DNAJC5: variants seen among roughly 807,000 people sequenced by gnomAD.
DNAJC5 encodes DnaJ heat shock protein family (Hsp40) member C5, also known as dnaJ homolog subfamily C member 5.
Under a neutral mutation model 23.2 loss-of-function variants are expected in DNAJC5, and 1 was observed. That is an observed-to-expected ratio of 0.04 (90% CI 0.02 to 0.20). The LOEUF is 0.20. Ranked by LOEUF, DNAJC5 falls within the 10% of genes least tolerant of loss-of-function variation. DNAJC5 has a pLI of 1.00. For missense variants in DNAJC5, 180 were observed against 267.0 expected (o/e 0.67, Z 2.27); for synonymous variants, 136 against 120.0 (o/e 1.13, Z -0.87).
intron 1 of DNAJC5, among the ~76,000 whole-genome samples, chr20:63,927,489 G>A (rs906326033): frequency 5.3e-5 from 8 of 151,946 alleles, no homozygotes; most frequent in South Asian, 2.1e-4. Flanking sequence ...GTGGTGAGCC[G>A]AGATCGTGCC....
chr20:63,899,088 G>A (rs1289652804), intron 1 of DNAJC5, among the ~76,000 whole-genome samples: 3 of 152,290 alleles, frequency 2.0e-5, no homozygotes, highest in Admixed American at 6.5e-5. Context: ...GAGCCTCTGC[G>A]TTCTGTCAGA....
At chr20:63,915,030 G>A (rs565860346) in intron 1 of DNAJC5, among the ~76,000 whole-genome samples, 38 of 152,282 alleles carry the variant, frequency 2.5e-4, no homozygotes, top group African/African-American at 8.9e-4. Context: ...GGCCTCCTGC[G>A]TGGAGGTTTG....
At chr20:63,905,987 C>T (rs1394711221) in intron 1 of DNAJC5, among the ~76,000 whole-genome samples, 2 of 152,016 alleles carry the variant, frequency 1.3e-5, no homozygotes, top group East Asian at 3.9e-4. Flanking sequence ...CCGCCTCAGC[C>T]TCCCAAAGTG....
intron 1 of DNAJC5, among the ~76,000 whole-genome samples, chr20:63,906,928 C>T (rs2053452134): frequency 6.6e-6 from 1 of 151,956 alleles, no homozygotes; most frequent in Non-Finnish European, 1.5e-5. Flanking sequence ...TTAGGGAGAT[C>T]CTGCCTCTAC....
chr20:63,931,204 G>A lies in DNAJC5; in HGVS notation c.493+182G>A. The A allele has an allele frequency of 1.3e-6, 1 of 781,986 alleles. No homozygotes were observed. The highest frequency in any genetic ancestry group is 2.1e-6 in the Non-Finnish European group (1 of 473,072). 48.4% of individuals were successfully genotyped at this position (781,986 alleles called of 1,614,324 possible). ...TGAGGTAAAGCAGGCGCATAGAGCT[G>A]TCCCCGCCGTGACCTGCGGTAGCCG... On this transcript the variant is annotated intron_variant, in intron 4 of 4. Transcript: ENST00000360864. This position sits in a 1 kb window ranked among gnomAD's most constrained non-coding sequence, Gnocchi z 9.6.
At position 63,931,170 on chromosome 20, in the gene DNAJC5, C is replaced by T. The variant is rs2053666912; in HGVS notation, c.493+148C>T. The T allele has an allele frequency of 3.2e-6, 3 of 923,436 alleles. No individual in the cohort carries two copies. Among genetic ancestry groups the T allele is most frequent in the Non-Finnish European group, 3.4e-6 (2 of 587,546 alleles). 57.2% of individuals were successfully genotyped at this position (923,436 alleles called of 1,614,324 possible). A position where few individuals can be genotyped will look rare whatever the true frequency, so the allele number is the denominator to read the frequency against. On this transcript the variant is annotated intron_variant, in intron 4 of 4. Transcript: ENST00000360864. The surrounding 1 kb of genome is among the most constrained non-coding windows in gnomAD (Gnocchi z 9.6). Reference sequence around the variant, plus strand: ...GCAGCTGGGACTGTTGAGGTGTGAACGTGGACCCTGAGGTAAAGCAGGCGC... The same window carrying T: ...GCAGCTGGGACTGTTGAGGTGTGAATGTGGACCCTGAGGTAAAGCAGGCGC...
intron 3 of DNAJC5, among the ~76,000 whole-genome samples, chr20:63,930,192 A>G (rs1168180755): frequency 6.6e-6 from 1 of 152,082 alleles, no homozygotes; most frequent in Non-Finnish European, 1.5e-5. Context: ...TTATTTAGTT[A>G]ATGTTAGACA....
intron 1 of DNAJC5, among the ~76,000 whole-genome samples, chr20:63,909,920 T>G (rs926166838): frequency 2.6e-5 from 4 of 152,222 alleles, no homozygotes; most frequent in African/African-American, 9.6e-5. Context: ...CATGACCTCG[T>G]GGTTACTGAT....
rs923037553 is a variant in DNAJC5, at chr20:63,928,916, C to T, written c.108-396C>T. 3.3e-5 allele frequency among the ~76,000 whole-genome samples: 5 copies of T among 152,224 alleles called. No homozygotes were observed. Among genetic ancestry groups the T allele is most frequent in the Admixed American group, 2.6e-4 (4 of 15,274 alleles). ...TAATCCAGACAATTCAGATAGTCCT[C>T]CTCTCGTGTGCTAGCATCGTGTAGT... is the stretch of plus-strand genomic sequence containing the variant. On this transcript the variant is annotated intron_variant, in intron 2 of 4. Coordinates refer to ENST00000360864, the MANE Select transcript of DNAJC5 (RefSeq NM_025219.3). This position sits in a 1 kb window ranked among gnomAD's most constrained non-coding sequence, Gnocchi z 4.6.
intron 1 of DNAJC5, among the ~76,000 whole-genome samples, chr20:63,921,633 C>T (rs1025552646): frequency 6.6e-5 from 10 of 151,814 alleles, no homozygotes; most frequent in Non-Finnish European, 1.3e-4. Context: ...TGGAACTTAG[C>T]CCTCCAGAAA....
At position 63,931,109 on chromosome 20, in the gene DNAJC5, G is replaced by T; in HGVS notation, c.493+87G>T. 1 of 1,402,938 alleles carries T rather than the reference G, an allele frequency of 7.1e-7. No homozygotes were observed. Among genetic ancestry groups the T allele is most frequent in the South Asian group, 1.2e-5 (1 of 84,532 alleles). The allele number at this position is 1,402,938 out of a possible 1,614,324, so 86.9% of individuals were successfully genotyped here. ...GGTGTCAACCTGTCTTGTCAAACAG[G>T]AGGGCACTGACACTGTGCCGCGAGT... On this transcript the variant is annotated intron_variant, in intron 4 of 4. Coordinates refer to ENST00000360864, the MANE Select transcript of DNAJC5 (RefSeq NM_025219.3). The surrounding 1 kb of genome is among the most constrained non-coding windows in gnomAD (Gnocchi z 9.6).
intron 1 of DNAJC5, among the ~76,000 whole-genome samples, chr20:63,914,439 C>T (rs969867381): frequency 4.6e-5 from 7 of 150,904 alleles, no homozygotes; most frequent in South Asian, 2.1e-4. Flanking sequence ...CTCAGTCTTC[C>T]GAGTCGCTGG....
intron 1 of DNAJC5, among the ~76,000 whole-genome samples, chr20:63,915,423 TAAA>T (rs10542373): frequency 5.7e-4 from 72 of 125,470 alleles, no homozygotes; most frequent in East Asian, 1.4e-3. Flanking sequence ...CTACAATTGG[TAAA>T]AAAAAAAAAA....
intron 1 of DNAJC5, among the ~76,000 whole-genome samples, chr20:63,910,615 A>G (rs942626484): frequency 6.6e-6 from 1 of 150,930 alleles, no homozygotes; most frequent in African/African-American, 2.4e-5. Context: ...GATGCCCAGG[A>G]GGGCATGAGT....
Position 63,931,889 on chromosome 20 carries a change from C to G in DNAJC5, c.*321C>G, listed in dbSNP as rs751612521. The G allele has an allele frequency of 4.9e-6, 2 of 405,194 alleles. No homozygotes were observed. Among genetic ancestry groups the G allele is most frequent in the Non-Finnish European group, 9.4e-6 (2 of 212,594 alleles). 25.1% of individuals were successfully genotyped at this position (405,194 alleles called of 1,614,324 possible). A position where few individuals can be genotyped will look rare whatever the true frequency, so the allele number is the denominator to read the frequency against. ...CACGGTGGAGCTGCCTCAGGGCTGT[C>G]GGTCAGGTTGGTCCAGTGAGGGGTG... On this transcript the variant is annotated 3_prime_UTR_variant, in exon 5 of 5. Coordinates refer to ENST00000360864, the MANE Select transcript of DNAJC5 (RefSeq NM_025219.3). The surrounding 1 kb of genome is among the most constrained non-coding windows in gnomAD (Gnocchi z 9.6).
chr20:63,934,246 A>G lies in DNAJC5; in HGVS notation c.*2678A>G, dbSNP rs541113088. On this transcript the variant is annotated 3_prime_UTR_variant, in exon 5 of 5. Coordinates refer to ENST00000360864, the MANE Select transcript of DNAJC5 (RefSeq NM_025219.3). Reference sequence around the variant, plus strand: ...TTGAGTGGACTGTTTCCCTATAATTAAAAGAGGTGGTGAGTCCTGGGGCAG... The same window carrying G: ...TTGAGTGGACTGTTTCCCTATAATTGAAAGAGGTGGTGAGTCCTGGGGCAG... The G allele has an allele frequency of 1.3e-5, 2 of 152,374 alleles. No individual in the cohort carries two copies. Among genetic ancestry groups the G allele is most frequent in the South Asian group, 2.1e-4 (1 of 4,826 alleles). The allele number at this position is 152,374 out of a possible 1,614,324, so 9.4% of individuals were successfully genotyped here.
chr20:63,930,943 C>T lies in DNAJC5; in HGVS notation c.414C>T (p.Pro138=). The change falls in exon 4 of 5, where the codon CCC becomes CCT. Residue 138 remains proline, a synonymous_variant. Transcript: ENST00000360864. ...CFNCCCGKCK[P]KAPEGEETEF... is the part of the protein sequence containing the mutation. ...ACTGCTGCTGCGGGAAGTGTAAGCC[C>T]AAGGCGCCTGAAGGCGAGGAGACGG... 3 of 1,614,174 alleles carry T rather than the reference C, an allele frequency of 1.9e-6. No homozygotes were observed. The highest frequency in any genetic ancestry group is 2.5e-6 in the Non-Finnish European group (3 of 1,180,038).
chr20:63,913,012 A>T (rs1314769730), intron 1 of DNAJC5, among the ~76,000 whole-genome samples: 6 of 144,638 alleles, frequency 4.1e-5, no homozygotes, highest in African/African-American at 1.5e-4. Flanking sequence ...ATTTTTAGCA[A>T]TTTTTTTTTT....
chr20:63,909,696 AAG>A (rs1308772398), intron 1 of DNAJC5, among the ~76,000 whole-genome samples: 1 of 152,192 alleles, frequency 6.6e-6, no homozygotes, highest in Non-Finnish European at 1.5e-5. Context: ...AAGAAAAAGA[AAG>A]AAAAAAGTCT....
Sources: allele counts gnomAD v4.1 joint callset (sites outside exome capture counted in the v4.1 genomes callset), GRCh38; gene constraint gnomAD v4.1.1; non-coding constraint Gnocchi (gnomAD v3.1); transcripts MANE v1.5; gene names NCBI Gene and HGNC (gene_info 2026-07-23, HGNC 2026-07-21).